Variants in EXOC3L1 observed in about 807,000 individuals in gnomAD.
EXOC3L1 encodes exocyst complex component 3 like 1.
EXOC3L1 carries 79 observed loss-of-function variants against 83.6 expected under a neutral mutation model. The ratio of observed to expected loss-of-function variants is 0.95; its 90% CI spans 0.79 to 1.14. The LOEUF (loss-of-function observed/expected upper bound fraction) is 1.14, where lower values mean the gene tolerates loss of function less well. Ranked by LOEUF, EXOC3L1 falls within the 50% of genes most tolerant of loss-of-function variation. EXOC3L1 has a pLI of 0.00. For missense variants in EXOC3L1, 945 were observed against 972.0 expected (o/e 0.97, Z 0.37); for synonymous variants, 433 against 451.2 (o/e 0.96, Z 0.51).
intron 4 of EXOC3L1, 35 bp downstream of exon 4, chr16:67,188,686 T>C (rs1407583946): frequency 6.3e-7 from 1 of 1,584,242 alleles, no homozygotes; most frequent in Non-Finnish European, 8.6e-7. Context: ...GGACTGACTA[T>C]TGGAGGCTGA....
intron 4 of EXOC3L1, 56 bp downstream of exon 4, chr16:67,188,665 T>G: frequency 1.3e-6 from 2 of 1,504,516 alleles, no homozygotes; most frequent in Non-Finnish European, 1.8e-6. Context: ...TGATTAGGGA[T>G]GGGTGTTTGT....
chr16:67,186,620 C>G lies in EXOC3L1; in HGVS notation c.1322G>C (p.Ser441Thr), dbSNP rs1331960252. 6.2e-7 allele frequency: 1 copy of G among 1,614,178 alleles called. No homozygotes were observed. The highest frequency in any genetic ancestry group is 1.1e-5 in the South Asian group (1 of 91,082). The change falls in exon 8 of 14, where the codon AGT becomes ACT. Residue 441 changes from serine (S) to threonine (T), a missense_variant. Ser to Thr is a moderately conservative substitution (Grantham distance 58). Transcript: ENST00000314586. ...EENIRVASLV[S>T]ESLQQRVHGM... is the part of the protein sequence containing the mutation. ...ATGCACTCGCTGTTGCAGTGACTCA[C>G]TGACCAGGCTGGCCACACGAATGTT... is the stretch of plus-strand genomic sequence containing the variant.
At position 67,187,737 on chromosome 16, in the gene EXOC3L1, CGTA is replaced by C; in HGVS notation, c.525_527del (p.Asp175_Thr176delinsGlu). 3 of 1,613,046 alleles carry C rather than the reference CGTA, an allele frequency of 1.9e-6. No homozygotes were observed. The highest frequency in any genetic ancestry group is 1.7e-6 in the Non-Finnish European group (2 of 1,180,022). On this transcript the variant is annotated inframe_deletion, in exon 5 of 14. Coordinates refer to ENST00000314586, the MANE Select transcript of EXOC3L1 (RefSeq NM_178516.4). ...ACTCCAGGCCCCCCAGGGGTGCCCA[CGTA>C]TCCTCTCGCAGCTGCTCCAGCTCCC...
chr16:67,189,062 G>A lies in EXOC3L1; in HGVS notation c.165C>T (p.Ser55=). The change falls in exon 3 of 14, where the codon AGC becomes AGT. Residue 55 remains serine (S), a synonymous_variant. Coordinates refer to ENST00000314586, the MANE Select transcript of EXOC3L1 (RefSeq NM_178516.4). ...GGGAGCAGGTACGCTGCACCTCGCGGCTGCGGTACTGGCCTAGCCTGGCCA... is the reference window on the plus strand; with the variant it reads ...GGGAGCAGGTACGCTGCACCTCGCGACTGCGGTACTGGCCTAGCCTGGCCA... ...EQLARLGQYR[S]REVQRTCSLE... is the part of the protein sequence containing the mutation. 1 of 1,607,072 alleles carries A rather than the reference G, an allele frequency of 6.2e-7. No homozygotes were observed. Among genetic ancestry groups the A allele is most frequent in the Non-Finnish European group, 8.5e-7 (1 of 1,177,594 alleles).
At position 67,187,643 on chromosome 16, in the gene EXOC3L1, C is replaced by A. The variant is rs746580146; in HGVS notation, c.622G>T (p.Ala208Ser). 8.1e-6 allele frequency: 13 copies of A among 1,610,220 alleles called. No individual in the cohort carries two copies. In the South Asian group the frequency reaches 1.4e-4, roughly 18 times the overall value. The change falls in exon 5 of 14, where the codon GCC (alanine) becomes TCC (serine). Residue 208 changes from alanine to serine, a missense_variant. Coordinates refer to ENST00000314586, the MANE Select transcript of EXOC3L1 (RefSeq NM_178516.4). ...LGQAVEAAAG[A>S]AGKLAREDPA... ...TCCTCCCGTGCCAGCTTCCCTGCGG[C>A]CCCTGCAGCTGCTTCCACAGCCTGG...
Position 67,187,554 on chromosome 16 carries a change from C to T in EXOC3L1, c.711G>A (p.Leu237=). The change falls in exon 5 of 14, where the codon CTG becomes CTA. Residue 237 remains leucine, a synonymous_variant. Transcript: ENST00000314586. Reference sequence around the variant, plus strand: ...GACGCCAGTCCCGGGGGACCTGGCCCAGGGGGGTTGTTCGTCCAGTCTCCA... The same window carrying T: ...GACGCCAGTCCCGGGGGACCTGGCCTAGGGGGGTTGTTCGTCCAGTCTCCA... The part of the protein sequence containing the change: ...AEVETGRTTP[L]GQVPRDWRQR... The T allele has an allele frequency of 6.2e-7, 1 of 1,603,520 alleles. No homozygotes were observed. Among genetic ancestry groups the T allele is most frequent in the Non-Finnish European group, 8.5e-7 (1 of 1,178,580 alleles).
chr16:67,188,581 G>A (rs2145990026), intron 4 of EXOC3L1, 140 bp downstream of exon 4: 1 of 785,278 alleles, frequency 1.3e-6, no homozygotes, highest in Non-Finnish European at 2.0e-6. Context: ...TAGGCCATGG[G>A]AAGCCCGGGC....
In EXOC3L1 at chr16:67,187,271, C is replaced by G. The variant is rs763894662; in HGVS notation, c.994G>C (p.Ala332Pro). 1 of 1,612,670 alleles carries G rather than the reference C, an allele frequency of 6.2e-7. No homozygotes were observed. Among genetic ancestry groups the G allele is most frequent in the African/African-American group, 1.3e-5 (1 of 74,950 alleles). ...NLLAGPELEAADAFALLHWAL... is the reference protein window; with the variant it reads ...NLLAGPELEAPDAFALLHWAL... ...CAGTGCAGCAAGGCGAAGGCATCCG[C>G]AGCTTCTAGCTCAGGCCCTGCAAGG... Residue 332 changes from alanine (A) to proline (P), a missense_variant, in exon 5 of 14, where the codon GCG (alanine) becomes CCG (proline). Transcript: ENST00000314586.
chr16:67,185,316 G>A (rs373250658), intron 10 of EXOC3L1, 45 bp downstream of exon 10: 1 of 1,612,864 alleles, frequency 6.2e-7, no homozygotes, highest in Non-Finnish European at 8.5e-7. Context: ...TAGCTGTACC[G>A]CCACCTCTCC....
In EXOC3L1 at chr16:67,184,715, A is replaced by G; in HGVS notation, c.2001T>C (p.Ala667=). The G allele has an allele frequency of 1.3e-6, 2 of 1,579,924 alleles. No homozygotes were observed. The highest frequency in any genetic ancestry group is 1.7e-6 in the Non-Finnish European group (2 of 1,166,544). Reference sequence around the variant, plus strand: ...CGTCGGGAAATTGTTGCCGCAGGCCAGCCACCTCCAGGCCCAGCAGCGCGG... The same window carrying G: ...CGTCGGGAAATTGTTGCCGCAGGCCGGCCACCTCCAGGCCCAGCAGCGCGG... ...RDPALLGLEV[A]GLRQQFPDVS... Residue 667 remains alanine, a synonymous_variant, in exon 13 of 14, where the codon GCT becomes GCC. Transcript: ENST00000314586.
Position 67,189,060 on chromosome 16 carries a change from C to T in EXOC3L1, c.167G>A (p.Arg56His), listed in dbSNP as rs778525072. The stretch of plus-strand genomic sequence containing the variant: ...CAGGGAGCAGGTACGCTGCACCTCG[C>T]GGCTGCGGTACTGGCCTAGCCTGGC... ...QLARLGQYRS[R>H]EVQRTCSLES... The change falls in exon 3 of 14, where the codon CGC becomes CAC. Residue 56 changes from arginine to histidine, a missense_variant. By Grantham distance (29) the Arg-to-His change is conservative. Transcript: ENST00000314586. The T allele has an allele frequency of 7.5e-6, 12 of 1,606,730 alleles. No homozygotes were observed. Among genetic ancestry groups the T allele is most frequent in the African/African-American group, 1.3e-5 (1 of 74,806 alleles).
chr16:67,186,717 C>T, intron 7 of EXOC3L1, 42 bp downstream of exon 7: 1 of 1,613,622 alleles, frequency 6.2e-7, no homozygotes, highest in Non-Finnish European at 8.5e-7. Flanking sequence ...CTCCCCACTG[C>T]CCCATGGAGG....
chr16:67,187,539 C>T lies in EXOC3L1; in HGVS notation c.726G>A (p.Arg242=), dbSNP rs1243614049. ...GRTTPLGQVP[R]DWRQRCLRAL... Reference sequence around the variant, plus strand: ...CCCTCAGACAGCGCTGACGCCAGTCCCGGGGGACCTGGCCCAGGGGGGTTG... The same window carrying T: ...CCCTCAGACAGCGCTGACGCCAGTCTCGGGGGACCTGGCCCAGGGGGGTTG... Residue 242 remains arginine (R), a synonymous_variant, in exon 5 of 14, where the codon CGG becomes CGA. Coordinates refer to ENST00000314586, the MANE Select transcript of EXOC3L1 (RefSeq NM_178516.4). 6.2e-7 allele frequency: 1 copy of T among 1,602,216 alleles called. No homozygotes were observed. Among genetic ancestry groups the T allele is most frequent in the Non-Finnish European group, 8.5e-7 (1 of 1,178,034 alleles).
rs766175324 is a variant in EXOC3L1 at position 67,185,448 on chromosome 16, C to T, written c.1539G>A (p.Gly513=). ...GCGCAGCTTCCACTGGAGCCAAGGC[C>T]CCTGAAGGCGCCCCGTCCAGCTGCA... is the stretch of plus-strand genomic sequence containing the variant. ...SVLQLDGAPS[G]ALAPVEAALD... is the part of the protein sequence containing the mutation. Residue 513 remains glycine (G), a synonymous_variant, in exon 10 of 14, where the codon GGG becomes GGA. Transcript: ENST00000314586. The T allele has an allele frequency of 1.9e-6, 3 of 1,611,318 alleles. No homozygotes were observed. The highest frequency in any genetic ancestry group is 1.7e-6 in the Non-Finnish European group (2 of 1,180,010).
At chr16:67,187,885 G>A (rs761585610) in intron 4 of EXOC3L1, 48 bp from the exon 5 acceptor site, 14 of 1,528,402 alleles carry the variant, frequency 9.2e-6, no homozygotes, top group Middle Eastern at 1.9e-4. Flanking sequence ...CCTTCCCACC[G>A]CCTCAATGTG....
chr16:67,189,163 G>A lies in EXOC3L1; in HGVS notation c.64C>T (p.Gln22Ter). ...ALSPGPEWPE[Q>*]ERAEQLARGA... ...CGGGCCAGCTGCTCTGCCCGCTCCT[G>A]CTCTGGCCACTCAGGTCCTGGGAAG... The change falls in exon 3 of 14, where the codon CAG (glutamine) becomes TAG (stop). Residue 22 changes from glutamine (Q) to a stop codon, truncating the protein, a stop_gained. Coordinates refer to ENST00000314586, the MANE Select transcript of EXOC3L1 (RefSeq NM_178516.4). LOFTEE classifies it high-confidence loss of function. 1 of 1,603,532 alleles carries A rather than the reference G, an allele frequency of 6.2e-7. No homozygotes were observed. The highest frequency in any genetic ancestry group is 8.5e-7 in the Non-Finnish European group (1 of 1,177,536).
chr16:67,185,800 T>G (rs1429863072), intron 9 of EXOC3L1: 1 of 510,028 alleles, frequency 2.0e-6, no homozygotes, highest in Non-Finnish European at 3.5e-6. Context: ...GAGTAAAAAA[T>G]CATCACTTGT....
chr16:67,184,790 G>C lies in EXOC3L1; in HGVS notation c.1926C>G (p.His642Gln). Residue 642 changes from histidine (H) to glutamine (Q), a missense_variant, in exon 13 of 14, where the codon CAC (histidine) becomes CAG (glutamine). Transcript: ENST00000314586. ...TCAGGGCGAGCAGCACCGGCGCGCA[G>C]TGCGCGTTCTCCTCCAGGCCCTGAG... The part of the protein sequence containing the change: ...FLSLGLEENA[H>Q]CAPVLLALRE... 1 of 1,600,948 alleles carries C rather than the reference G, an allele frequency of 6.2e-7. No homozygotes were observed. Among genetic ancestry groups the C allele is most frequent in the Non-Finnish European group, 8.5e-7 (1 of 1,178,776 alleles).
Position 67,186,642 on chromosome 16 carries a change from T to C in EXOC3L1, c.1300A>G (p.Ile434Val). ...TCACTGACCAGGCTGGCCACACGAA[T>C]GTTCTCTTCCAGGATCTGCAGGCAG... is the stretch of plus-strand genomic sequence containing the variant. ...AIVLQILEEN[I>V]RVASLVSESL... Residue 434 changes from isoleucine (I) to valine (V), a missense_variant, in exon 8 of 14, where the codon ATT becomes GTT. By Grantham distance (29) the Ile-to-Val change is conservative. Coordinates refer to ENST00000314586, the MANE Select transcript of EXOC3L1 (RefSeq NM_178516.4). 6.2e-7 allele frequency: 1 copy of C among 1,614,088 alleles called. No individual in the cohort carries two copies. The highest frequency in any genetic ancestry group is 8.5e-7 in the Non-Finnish European group (1 of 1,179,982).
Sources: gnomAD v4.1 joint callset for allele counts on GRCh38, gnomAD v4.1.1 for gene constraint, MANE v1.5 for transcripts, NCBI Gene and HGNC (gene_info 2026-07-23, HGNC 2026-07-21) for gene names.